Variants in C10orf67 observed in about 807,000 individuals in gnomAD.
C10orf67 encodes uncharacterized protein C10orf67, mitochondrial.
In C10orf67, 60 loss-of-function variants were observed where a neutral mutation model predicts 35.6. That is an observed-to-expected ratio of 1.68 (90% CI 1.37 to 2.09). The LOEUF is 2.09. C10orf67 is among the 30% of genes most tolerant of loss of function. C10orf67 has a pLI of 0.00. For missense variants in C10orf67, 474 were observed against 330.2 expected (o/e 1.44, Z -3.38); for synonymous variants, 167 against 115.8 (o/e 1.44, Z -2.84).
At chr10:23,292,792 C>T (rs1019471018) in intron 5 of C10orf67, among the ~76,000 whole-genome samples, 1 of 151,342 alleles carries the variant, frequency 6.6e-6, no homozygotes, top group Admixed American at 6.6e-5. Context: ...GCACTAAGCT[C>T]AATTACAAAT....
chr10:23,281,389 G>A (rs749633803), intron 8 of C10orf67, among the ~76,000 whole-genome samples: 8 of 152,242 alleles, frequency 5.3e-5, no homozygotes, highest in East Asian at 3.9e-4. Context: ...CATTTAGAAC[G>A]CAAGTCAAGC....
At chr10:23,220,940 C>T (rs1018723623) in intron 15 of C10orf67, among the ~76,000 whole-genome samples, 2 of 152,100 alleles carry the variant, frequency 1.3e-5, no homozygotes, top group Non-Finnish European at 2.9e-5. Flanking sequence ...TAATAATGTT[C>T]CTATCCTATT....
At chr10:23,278,155 T>C in intron 8 of C10orf67, among the ~76,000 whole-genome samples, 1 of 152,198 alleles carries the variant, frequency 6.6e-6, no homozygotes, top group East Asian at 1.9e-4. Context: ...CATTTCTATA[T>C]GAGATTTTGA....
chr10:23,344,424 G>A, intron 1 of C10orf67, 145 bp downstream of exon 1: 1 of 816,736 alleles, frequency 1.2e-6, no homozygotes, highest in Non-Finnish European at 1.9e-6. Context: ...CTGCCTCAAG[G>A]CTTCCCCACA....
At chr10:23,276,013 G>A (rs1323246188) in intron 8 of C10orf67, among the ~76,000 whole-genome samples, 1 of 152,084 alleles carries the variant, frequency 6.6e-6, no homozygotes, top group East Asian at 1.9e-4. Flanking sequence ...GGAATCCCTG[G>A]AGTAATAGAA....
intron 15 of C10orf67, among the ~76,000 whole-genome samples, chr10:23,208,533 C>T (rs960288490): frequency 3.3e-5 from 5 of 152,164 alleles, no homozygotes; most frequent in African/African-American, 1.2e-4. Context: ...CTGACTTTTA[C>T]AGAATGTGCT....
chr10:23,248,361 C>A (rs117084689), intron 12 of C10orf67, among the ~76,000 whole-genome samples: 1 of 152,330 alleles, frequency 6.6e-6, no homozygotes, highest in Non-Finnish European at 1.5e-5. Flanking sequence ...GCAGTCGCAT[C>A]AGGCTTGGCA....
intron 4 of C10orf67, among the ~76,000 whole-genome samples, chr10:23,312,352 G>C (rs1588681655): frequency 6.6e-6 from 1 of 152,150 alleles, no homozygotes; most frequent in East Asian, 1.9e-4. Flanking sequence ...CAAGTGGAAT[G>C]AAGGAAGCCC....
At chr10:23,343,038 A>G (rs1845966687) in intron 1 of C10orf67, among the ~76,000 whole-genome samples, 1 of 152,286 alleles carries the variant, frequency 6.6e-6, no homozygotes, top group African/African-American at 2.4e-5. Context: ...CATCAGCTCT[A>G]CATTATCCAA....
chr10:23,325,471 C>A (rs2132355225), intron 2 of C10orf67, among the ~76,000 whole-genome samples: 1 of 119,294 alleles, frequency 8.4e-6, no homozygotes, highest in African/African-American at 3.2e-5. Flanking sequence ...AAGATTTGGG[C>A]TGCTAAAAAA....
At chr10:23,340,125 AT>A (rs1030295468) in intron 1 of C10orf67, among the ~76,000 whole-genome samples, 1 of 151,536 alleles carries the variant, frequency 6.6e-6, no homozygotes, top group Non-Finnish European at 1.5e-5. Flanking sequence ...GTTTTTACCA[AT>A]TTTTTTTCAG....
intron 8 of C10orf67, among the ~76,000 whole-genome samples, chr10:23,279,306 A>G (rs1843294319): frequency 6.6e-6 from 1 of 152,244 alleles, no homozygotes; most frequent in Non-Finnish European, 1.5e-5. Context: ...GTCTTGATGA[A>G]GAGCCACTAT....
At chr10:23,213,887 T>C (rs1331213898) in intron 15 of C10orf67, among the ~76,000 whole-genome samples, 3 of 151,818 alleles carry the variant, frequency 2.0e-5, no homozygotes, top group African/African-American at 7.3e-5. Context: ...TAAATTCACC[T>C]GTTAAAAAGT....
intron 10 of C10orf67, among the ~76,000 whole-genome samples, chr10:23,258,853 G>T (rs1842672797): frequency 6.6e-6 from 1 of 152,174 alleles, no homozygotes; most frequent in African/African-American, 2.4e-5. Flanking sequence ...TTCTGTAATG[G>T]AATGTGTTGC....
chr10:23,274,435 A>AC (rs1388594340), intron 8 of C10orf67, among the ~76,000 whole-genome samples: 7 of 152,036 alleles, frequency 4.6e-5, no homozygotes, highest in Non-Finnish European at 1.0e-4. Flanking sequence ...CTATAGACCT[A>AC]CCCCTGGGAA....
intron 1 of C10orf67, among the ~76,000 whole-genome samples, chr10:23,335,755 T>G (rs1209840546): frequency 6.6e-6 from 1 of 152,200 alleles, no homozygotes; most frequent in South Asian, 2.1e-4. Context: ...AATAAAAATA[T>G]GCGATATATT....
intron 10 of C10orf67, among the ~76,000 whole-genome samples, chr10:23,258,901 A>G (rs1842673624): frequency 1.3e-5 from 2 of 152,230 alleles, no homozygotes; most frequent in South Asian, 2.1e-4. Flanking sequence ...CTTCTGTTAA[A>G]TAGTCTTCAT....
At chr10:23,282,845 T>C (rs905261325) in intron 7 of C10orf67, among the ~76,000 whole-genome samples, 1 of 152,000 alleles carries the variant, frequency 6.6e-6, no homozygotes, top group African/African-American at 2.4e-5. Context: ...AACCATTTAT[T>C]TGTGGGAGCT....
intron 10 of C10orf67, among the ~76,000 whole-genome samples, chr10:23,257,145 G>A (rs75358788): frequency 5.1e-4 from 78 of 152,274 alleles, no homozygotes; most frequent in African/African-American, 1.8e-3. Flanking sequence ...ACCAAGTGGA[G>A]GTGTCCTACT....
Sources: gnomAD v4.1 joint callset for allele counts (sites outside exome capture counted in the v4.1 genomes callset) on GRCh38, gnomAD v4.1.1 for gene constraint, MANE v1.5 for transcripts, NCBI Gene and HGNC (gene_info 2026-07-23, HGNC 2026-07-21) for gene names.